Variants in TNS1 observed in about 807,000 individuals in gnomAD.
TNS1 encodes tensin-1.
Under a neutral mutation model 168.6 loss-of-function variants are expected in TNS1, and 62 were observed. The observed-to-expected ratio is 0.37, with a 90% confidence interval of 0.30 to 0.45. The LOEUF (loss-of-function observed/expected upper bound fraction) is 0.45. TNS1 is among the 20% of genes least tolerant of loss of function. The probability of loss-of-function intolerance (pLI) is 1.00; values close to 1 mark genes in which losing one functional copy is unlikely to be tolerated. For synonymous variants in TNS1, 934 were observed against 933.2 expected (o/e 1.00, Z -0.02); for missense variants, 2,240 against 2,339.4 (o/e 0.96, Z 0.88).
At chr2:217,891,704 G>A (rs7568388) in intron 11 of TNS1, among the ~76,000 whole-genome samples, 3,404 of 152,250 alleles carry the variant, frequency 0.022, 149 homozygotes, top group African/African-American at 0.077. Flanking sequence ...CAGTGAGGCC[G>A]CGAGGCCCCA....
rs934381283 is a variant in TNS1, at chr2:217,897,692, G to A, written c.543+106C>T. 9.7e-6 allele frequency: 12 copies of A among 1,234,212 alleles called. No individual in the cohort carries two copies. The Admixed American group carries it at 2.2e-4, about 23-fold the overall frequency. 76.5% of individuals were successfully genotyped at this position (1,234,212 alleles called of 1,614,324 possible). On this transcript the variant is annotated intron_variant, in intron 8 of 32. Coordinates refer to ENST00000682258, the MANE Select transcript of TNS1 (RefSeq NM_001387777.1). ...AAGGCAGATAAACAAAGAGAAGAGG[G>A]CATGCTGGCACAGGGGCTGGTGGCA...
chr2:217,971,273 T>C (rs1957768058), intron 3 of TNS1, among the ~76,000 whole-genome samples: 1 of 152,196 alleles, frequency 6.6e-6, no homozygotes, highest in Non-Finnish European at 1.5e-5. Flanking sequence ...ACTAATCTGC[T>C]CTGTCACTAG....
intron 30 of TNS1, among the ~76,000 whole-genome samples, chr2:217,809,387 G>A (rs1295325295): frequency 2.5e-4 from 33 of 132,186 alleles, no homozygotes; most frequent in African/African-American, 8.2e-4. Flanking sequence ...ATGGATGGAT[G>A]GATGGATGGA....
chr2:217,949,356 G>A (rs1957188833), intron 3 of TNS1, among the ~76,000 whole-genome samples: 3 of 152,210 alleles, frequency 2.0e-5, no homozygotes, highest in African/African-American at 7.2e-5. Context: ...TGCCTCCAGG[G>A]CAGGGTTTCC....
chr2:217,837,854 G>T (rs1945378839), intron 19 of TNS1, among the ~76,000 whole-genome samples: 1 of 152,208 alleles, frequency 6.6e-6, no homozygotes, highest in South Asian at 2.1e-4. Context: ...AGGAAAGAAG[G>T]GCGTGGTTTT....
intron 16 of TNS1, among the ~76,000 whole-genome samples, chr2:217,882,905 C>G (rs1950816459): frequency 6.6e-6 from 1 of 152,180 alleles, no homozygotes; most frequent in Non-Finnish European, 1.5e-5. Context: ...AAGTGGTCCT[C>G]CTACCTCTGC....
chr2:218,009,793 T>C (rs1958689855), intron 1 of TNS1, among the ~76,000 whole-genome samples: 1 of 152,056 alleles, frequency 6.6e-6, no homozygotes, highest in Non-Finnish European at 1.5e-5. Flanking sequence ...TATCCCCAAA[T>C]CCGCCGCCCT....
At chr2:217,882,448 AGTCCC>A in intron 16 of TNS1, 37 bp from the exon 17 acceptor site, 1 of 1,462,742 alleles carries the variant, frequency 6.8e-7, no homozygotes, top group African/African-American at 1.4e-5. Context: ...ATAGGCAAAA[AGTCCC>A]AAAAAGGATT....
chr2:217,959,520 C>T (rs995021755), intron 3 of TNS1, among the ~76,000 whole-genome samples: 2 of 151,766 alleles, frequency 1.3e-5, no homozygotes, highest in African/African-American at 2.4e-5. Flanking sequence ...GGTGTCTTAG[C>T]ATGGAATCTT....
intron 18 of TNS1, chr2:217,858,583 G>A: frequency 1.0e-6 from 1 of 985,820 alleles, no homozygotes; most frequent in Non-Finnish European, 1.2e-6. Context: ...TTCCTACATG[G>A]CTGCAGCTCC....
intron 30 of TNS1, 83 bp from the exon 31 acceptor site, chr2:217,808,754 C>T: frequency 7.8e-7 from 1 of 1,290,170 alleles, no homozygotes; most frequent in Non-Finnish European, 1.1e-6. Flanking sequence ...GTCAGGCCAC[C>T]TTTCCACCAT....
chr2:217,981,354 T>A (rs896479570), intron 2 of TNS1, among the ~76,000 whole-genome samples: 13 of 152,242 alleles, frequency 8.5e-5, no homozygotes, highest in Admixed American at 3.3e-4. Flanking sequence ...GTAGGCACCC[T>A]TGGCAGTGCA....
chr2:218,006,104 A>T (rs1352794594), upstream of TNS1, among the ~76,000 whole-genome samples: 1 of 152,246 alleles, frequency 6.6e-6, no homozygotes, highest in African/African-American at 2.4e-5. Flanking sequence ...TTCCCGCTGC[A>T]TGCGGAGACC....
At chr2:217,822,233 C>A (rs568025552) in intron 22 of TNS1, among the ~76,000 whole-genome samples, 1 of 152,262 alleles carries the variant, frequency 6.6e-6, no homozygotes, top group East Asian at 1.9e-4. Context: ...ATAGCTGGCA[C>A]CCCCTTTGGC....
At chr2:217,909,094 C>G (rs1575042750) in intron 4 of TNS1, among the ~76,000 whole-genome samples, 1 of 150,442 alleles carries the variant, frequency 6.6e-6, no homozygotes, top group Non-Finnish European at 1.5e-5. Flanking sequence ...GGACCACCCC[C>G]CACACCCCCT....
chr2:217,864,467 G>A (rs530926848), intron 18 of TNS1, among the ~76,000 whole-genome samples: 1 of 152,300 alleles, frequency 6.6e-6, no homozygotes, highest in African/African-American at 2.4e-5. Context: ...TACATTGCCA[G>A]TCTGACTCTG....
intron 11 of TNS1, 152 bp from the exon 12 acceptor site, chr2:217,891,197 T>C: frequency 1.4e-6 from 1 of 701,182 alleles, no homozygotes; most frequent in Non-Finnish European, 2.5e-6. Context: ...CCTGCCATCC[T>C]GTGCCGAGAA....
At chr2:217,845,324 A>T (rs188248831) in intron 19 of TNS1, among the ~76,000 whole-genome samples, 1 of 152,248 alleles carries the variant, frequency 6.6e-6, no homozygotes, top group South Asian at 2.1e-4. Flanking sequence ...AGATGTAGAC[A>T]GAGCAGAAAG....
intron 18 of TNS1, among the ~76,000 whole-genome samples, chr2:217,858,958 GCCCAGC>G (rs60001129): frequency 1.7e-5 from 2 of 114,702 alleles, no homozygotes; most frequent in Non-Finnish European, 3.4e-5. Context: ...CCCAACCCCA[GCCCAGC>G]CCCAGCCCCA....
Sources: gnomAD v4.1 joint callset for allele counts (sites outside exome capture counted in the v4.1 genomes callset) on GRCh38, gnomAD v4.1.1 for gene constraint, MANE v1.5 for transcripts, NCBI Gene and HGNC (gene_info 2026-07-23, HGNC 2026-07-21) for gene names.